The following CHST9 variants were observed in gnomAD, a reference collection of about 807,000 sequenced individuals.
The protein encoded by CHST9 is GalNAc-4-sulfotransferase 2.
A neutral mutation model predicts 44.4 loss-of-function variants in CHST9; 41 were observed. The ratio of observed to expected loss-of-function variants is 0.92; its 90% CI spans 0.72 to 1.20. CHST9 has a LOEUF of 1.20. CHST9 is among the 50% of genes most tolerant of loss of function. The pLI is 0.00. For synonymous variants in CHST9, 171 were observed against 178.4 expected, an observed-to-expected ratio of 0.96 and a Z score of 0.33; for missense variants, 504 against 516.5, an observed-to-expected ratio of 0.98 and a Z score of 0.23.
At chr18:27,130,937 G>A (rs2058466106) in intron 2 of CHST9, among the ~76,000 whole-genome samples, 1 of 152,090 alleles carries the variant, frequency 6.6e-6, no homozygotes, top group Admixed American at 6.5e-5. Flanking sequence ...AGACATACAG[G>A]AATGTGGTAA....
intron 5 of CHST9, among the ~76,000 whole-genome samples, chr18:26,920,736 G>C (rs979596634): frequency 8.5e-5 from 13 of 152,178 alleles, no homozygotes; most frequent in African/African-American, 3.1e-4. Context: ...ATAAACAATT[G>C]ACCAATTCTT....
intron 4 of CHST9, among the ~76,000 whole-genome samples, chr18:26,966,350 T>C (rs559991602): frequency 1.3e-5 from 2 of 152,350 alleles, no homozygotes; most frequent in South Asian, 4.1e-4. Flanking sequence ...AAAAGCGAGT[T>C]AAAGCCTTAA....
chr18:27,087,848 C>G (rs1040881273), intron 2 of CHST9, among the ~76,000 whole-genome samples: 1 of 152,176 alleles, frequency 6.6e-6, no homozygotes, highest in African/African-American at 2.4e-5. Flanking sequence ...ATGAGAGCTT[C>G]TCCCGTACAC....
intron 2 of CHST9, among the ~76,000 whole-genome samples, chr18:27,128,356 G>A (rs189708647): frequency 1.2e-3 from 181 of 152,180 alleles, no homozygotes; most frequent in African/African-American, 4.3e-3. Flanking sequence ...TGCAACCTCC[G>A]CCTCCCAGGT....
chr18:26,999,134 A>T (rs1457059260), intron 4 of CHST9, among the ~76,000 whole-genome samples: 1 of 152,218 alleles, frequency 6.6e-6, no homozygotes, highest in Non-Finnish European at 1.5e-5. Flanking sequence ...GCAATAACAG[A>T]TCACAATAAT....
At chr18:26,952,313 G>T (rs983944338) in intron 4 of CHST9, 7 of 515,496 alleles carry the variant, frequency 1.4e-5, no homozygotes, top group Non-Finnish European at 2.7e-5. Context: ...CCCCATTGTG[G>T]ATCTCAACTC....
chr18:27,173,070 G>T (rs865915726), intron 1 of CHST9, among the ~76,000 whole-genome samples: 18 of 151,658 alleles, frequency 1.2e-4, no homozygotes, highest in Admixed American at 2.6e-4. Context: ...TTATTTTGAG[G>T]TTAAAATTTT....
At chr18:27,166,179 G>A (rs1598773619) in intron 1 of CHST9, among the ~76,000 whole-genome samples, 1 of 152,094 alleles carries the variant, frequency 6.6e-6, no homozygotes, top group Non-Finnish European at 1.5e-5. Context: ...TGTATTTCCA[G>A]TTCCAATAAC....
In CHST9 at chr18:27,163,074, C is replaced by G. The variant is rs146679818; in HGVS notation, c.-96-20169G>C. Among the ~76,000 whole-genome samples the G allele has an allele frequency of 7.9e-3, 1,204 of 152,264 alleles. 18 individuals are homozygous for G. The highest frequency in any genetic ancestry group is 0.028 in the African/African-American group (1,145 of 41,546). On this transcript the variant is annotated intron_variant, in intron 1 of 5. Transcript: ENST00000618847. ...AGGTCTGTTGGAGTTTGCTGGAGGT[C>G]CACTCCAGACACTTGTTTGCCTGGG...
chr18:26,967,468 C>T (rs2056481858), intron 4 of CHST9, among the ~76,000 whole-genome samples: 1 of 152,040 alleles, frequency 6.6e-6, no homozygotes, highest in Non-Finnish European at 1.5e-5. Flanking sequence ...ATAGATCTAC[C>T]TCATTGTTTT....
intron 4 of CHST9, among the ~76,000 whole-genome samples, chr18:27,005,631 A>C (rs79776183): frequency 6.6e-6 from 1 of 152,320 alleles, no homozygotes; most frequent in African/African-American, 2.4e-5. Context: ...TTACACATTA[A>C]AAGATCCTGG....
chr18:27,077,381 A>T (rs1425535791), intron 2 of CHST9, among the ~76,000 whole-genome samples: 1 of 152,202 alleles, frequency 6.6e-6, no homozygotes, highest in Non-Finnish European at 1.5e-5. Flanking sequence ...TTTATTCTAT[A>T]GTTTTTCTTT....
intron 4 of CHST9, among the ~76,000 whole-genome samples, chr18:27,005,254 A>C (rs910474271): frequency 2.0e-5 from 3 of 152,218 alleles, no homozygotes; most frequent in Non-Finnish European, 4.4e-5. Flanking sequence ...GTAGGGATTA[A>C]ATGAGATATT....
chr18:27,155,796 A>T (rs2058694517), intron 1 of CHST9, among the ~76,000 whole-genome samples: 1 of 152,160 alleles, frequency 6.6e-6, no homozygotes, highest in Non-Finnish European at 1.5e-5. Context: ...AGGGCTCAGA[A>T]ATAGATACAA....
At chr18:26,919,939 G>T (rs140508342) in intron 5 of CHST9, among the ~76,000 whole-genome samples, 3 of 152,092 alleles carry the variant, frequency 2.0e-5, no homozygotes, top group African/African-American at 7.2e-5. Context: ...TGCAGCCCAC[G>T]GCTGCTTCCA....
intron 2 of CHST9, among the ~76,000 whole-genome samples, chr18:27,126,057 C>T (rs534752759): frequency 1.9e-4 from 29 of 152,070 alleles, no homozygotes; most frequent in Admixed American, 1.0e-3. Flanking sequence ...AGTAAAATAC[C>T]GCATGATAAA....
chr18:27,131,547 G>T (rs913033637), intron 2 of CHST9, among the ~76,000 whole-genome samples: 3 of 151,952 alleles, frequency 2.0e-5, no homozygotes, highest in Non-Finnish European at 2.9e-5. Flanking sequence ...GCAAAACTCC[G>T]TATCAAAAAA....
chr18:26,956,417 T>C (rs949723268), intron 4 of CHST9, among the ~76,000 whole-genome samples: 1 of 146,868 alleles, frequency 6.8e-6, no homozygotes, highest in African/African-American at 2.5e-5. Flanking sequence ...ATATACACAA[T>C]TATATAATCA....
At chr18:27,112,817 C>T (rs1330749069) in intron 2 of CHST9, among the ~76,000 whole-genome samples, 6 of 152,002 alleles carry the variant, frequency 3.9e-5, no homozygotes, top group African/African-American at 1.2e-4. Flanking sequence ...AAAATGGCAA[C>T]GCATTTCCCA....
Sources: gnomAD v4.1 joint callset for allele counts (sites outside exome capture counted in the v4.1 genomes callset) on GRCh38, gnomAD v4.1.1 for gene constraint, MANE v1.5 for transcripts, NCBI Gene and HGNC (gene_info 2026-07-23, HGNC 2026-07-21) for gene names.